Variants in SEMA6A observed in about 807,000 individuals in gnomAD.
The protein encoded by SEMA6A is semaphorin 6A, also known as semaphorin-6A.
In SEMA6A, 25 loss-of-function variants were observed where a neutral mutation model predicts 96.8. The observed-to-expected ratio is 0.26, with a 90% CI of 0.19 to 0.36. The LOEUF is 0.36. SEMA6A is among the 10% of genes least tolerant of loss of function. The pLI, the probability that SEMA6A is intolerant of heterozygous loss-of-function variation, is 1.00. For synonymous variants in SEMA6A, 612 were observed against 518.0 expected, an observed-to-expected ratio of 1.18 and a Z score of -2.46; for missense variants, 1,363 against 1,323.1, an observed-to-expected ratio of 1.03 and a Z score of -0.47.
chr5:116,454,087 T>C (rs1580444883), intron 18 of SEMA6A, among the ~76,000 whole-genome samples: 2 of 152,260 alleles, frequency 1.3e-5, no homozygotes, highest in African/African-American at 4.8e-5. Context: ...TGTGATATGA[T>C]GGATGTGTCT....
chr5:116,519,882 A>G lies in SEMA6A; in HGVS notation c.-38-14900T>C, dbSNP rs546048872. On this transcript the variant is annotated intron_variant, in intron 1 of 18. Coordinates refer to ENST00000343348, the MANE Select transcript of SEMA6A (RefSeq NM_020796.5). ...CAGCTCCTGCCTCATGACAATTGCTATCTACTTAGTCTTTCTACTTCCACT... is the reference window on the plus strand; with the variant it reads ...CAGCTCCTGCCTCATGACAATTGCTGTCTACTTAGTCTTTCTACTTCCACT... 3.9e-5 allele frequency among the ~76,000 whole-genome samples: 6 copies of G among 152,176 alleles called. No individual in the cohort carries two copies. The South Asian group carries it at 1.2e-3, about 32-fold the overall frequency.
At chr5:116,566,971 G>T (rs560240939) in intron 1 of SEMA6A, among the ~76,000 whole-genome samples, 3 of 152,100 alleles carry the variant, frequency 2.0e-5, no homozygotes, top group Admixed American at 2.0e-4. Context: ...CCTAAGACAG[G>T]TGTGGTCCTT....
chr5:116,514,358 C>G (rs776686351), intron 1 of SEMA6A, among the ~76,000 whole-genome samples: 20 of 151,994 alleles, frequency 1.3e-4, no homozygotes, highest in Non-Finnish European at 1.5e-5. Flanking sequence ...TTTTGATTTG[C>G]ATTTCTCTAA....
chr5:116,499,613 A>C (rs1757777235), intron 3 of SEMA6A, among the ~76,000 whole-genome samples: 1 of 152,202 alleles, frequency 6.6e-6, no homozygotes, highest in Non-Finnish European at 1.5e-5. Flanking sequence ...TCCTTTAAGA[A>C]TTTTTCTAAG....
At chr5:116,548,198 T>G (rs1760265402) in intron 1 of SEMA6A, among the ~76,000 whole-genome samples, 1 of 152,150 alleles carries the variant, frequency 6.6e-6, no homozygotes, top group Non-Finnish European at 1.5e-5. Context: ...TCTCTTGACT[T>G]GAGATTTGAT....
intron 1 of SEMA6A, among the ~76,000 whole-genome samples, chr5:116,566,208 A>T (rs1352078011): frequency 2.6e-5 from 4 of 152,314 alleles, no homozygotes; most frequent in Middle Eastern, 3.4e-3. Context: ...TGGTCTTTGA[A>T]GCGTAGAGGG....
At chr5:116,560,673 T>C (rs1401784374) in intron 1 of SEMA6A, among the ~76,000 whole-genome samples, 3 of 152,106 alleles carry the variant, frequency 2.0e-5, no homozygotes, top group African/African-American at 7.2e-5. Context: ...GGGTCAAAAC[T>C]GCCACCCTTA....
chr5:116,473,784 G>T (rs1203884511), intron 16 of SEMA6A, among the ~76,000 whole-genome samples: 1 of 152,164 alleles, frequency 6.6e-6, no homozygotes, highest in African/African-American at 2.4e-5. Context: ...CTGTCTAATA[G>T]AGGTAGTTCA....
rs115435569 is a variant in SEMA6A at position 116,453,029 on chromosome 5, G to C, written c.1895-5218C>G. On this transcript the variant is annotated intron_variant, in intron 18 of 18. Coordinates refer to ENST00000343348, the MANE Select transcript of SEMA6A (RefSeq NM_020796.5). ...AACAGTGGGCAAAAGCTTTACATTG[G>C]AAATGGCATTTGAGCTAAGCCTTAA... 4.7e-3 allele frequency among the ~76,000 whole-genome samples: 717 copies of C among 152,330 alleles called. 8 individuals are homozygous for C. Among genetic ancestry groups the C allele is most frequent in the African/African-American group, 0.016 (662 of 41,572 alleles).
At chr5:116,568,026 C>T (rs1761080332) in intron 1 of SEMA6A, among the ~76,000 whole-genome samples, 1 of 152,160 alleles carries the variant, frequency 6.6e-6, no homozygotes, top group South Asian at 2.1e-4. Flanking sequence ...TCTAGGTGAA[C>T]TGTACAATTT....
Position 116,447,458 on chromosome 5 carries a change from G to C in SEMA6A, c.2248C>G (p.Leu750Val). The C allele has an allele frequency of 6.2e-7, 1 of 1,614,088 alleles. No homozygotes were observed. The highest frequency in any genetic ancestry group is 8.5e-7 in the Non-Finnish European group (1 of 1,179,906). Residue 750 changes from leucine (L) to valine (V), a missense_variant, in exon 19 of 19, where the codon CTG (leucine) becomes GTG (valine). This residue lies in a region of SEMA6A where 883 missense variants were observed against 763.6 expected (regional missense o/e 1.16). Transcript: ENST00000343348. ...GGGGTGGGGAGGGCCGTCAGGTCCAGGTGGTGCTGGTCTGCTTTAATGAGC... is the reference window on the plus strand; with the variant it reads ...GGGGTGGGGAGGGCCGTCAGGTCCACGTGGTGCTGGTCTGCTTTAATGAGC... Reference protein sequence around the residue: ...KMLIKADQHHLDLTALPTPES... With the variant: ...KMLIKADQHHVDLTALPTPES...
intron 16 of SEMA6A, among the ~76,000 whole-genome samples, chr5:116,474,032 G>C (rs1192381924): frequency 6.6e-6 from 1 of 152,152 alleles, no homozygotes; most frequent in African/African-American, 2.4e-5. Flanking sequence ...CGTCCCCTAT[G>C]CTACATACAG....
chr5:116,526,342 C>T (rs1403469842), intron 1 of SEMA6A, among the ~76,000 whole-genome samples: 1 of 152,174 alleles, frequency 6.6e-6, no homozygotes, highest in Non-Finnish European at 1.5e-5. Flanking sequence ...GACAACTAAC[C>T]ACTAATGTCT....
At chr5:116,546,226 G>A (rs1055021741) in intron 1 of SEMA6A, among the ~76,000 whole-genome samples, 8 of 152,168 alleles carry the variant, frequency 5.3e-5, no homozygotes, top group Admixed American at 2.0e-4. Flanking sequence ...GCAAGTACTG[G>A]CTTCCTATGA....
At chr5:116,465,090 A>G (rs190187640) in intron 18 of SEMA6A, among the ~76,000 whole-genome samples, 2 of 152,326 alleles carry the variant, frequency 1.3e-5, no homozygotes, top group Admixed American at 1.3e-4. Context: ...CACCCGTCAC[A>G]GGCCCTTAGA....
chr5:116,446,478 G>T lies in SEMA6A; in HGVS notation c.*135C>A. On this transcript the variant is annotated 3_prime_UTR_variant, in exon 19 of 19. Transcript: ENST00000343348. The stretch of plus-strand genomic sequence containing the variant: ...GTGAGTACCCCTGTGTCCCAGAGAG[G>T]AGGACCCAGCGTCCTCGGCTCTGCC... 1.4e-6 allele frequency: 1 copy of T among 738,712 alleles called. No homozygotes were observed. The highest frequency in any genetic ancestry group is 2.9e-5 in the South Asian group (1 of 34,800). The allele number at this position is 738,712 out of a possible 1,614,324, so 45.8% of individuals were successfully genotyped here. A position where few individuals can be genotyped will look rare whatever the true frequency, so the allele number is the denominator to read the frequency against.
chr5:116,541,309 T>C (rs1249142321), intron 1 of SEMA6A, among the ~76,000 whole-genome samples: 3 of 152,144 alleles, frequency 2.0e-5, no homozygotes. Flanking sequence ...TCAGAAACCC[T>C]AGAGGTAAGA....
At chr5:116,522,781 C>T (rs1255819019) in intron 1 of SEMA6A, among the ~76,000 whole-genome samples, 2 of 152,138 alleles carry the variant, frequency 1.3e-5, no homozygotes, top group African/African-American at 4.8e-5. Context: ...CACCTGCCCC[C>T]TTGTTCTCTG....
intron 15 of SEMA6A, among the ~76,000 whole-genome samples, chr5:116,475,952 A>T (rs1756422950): frequency 6.6e-6 from 1 of 152,184 alleles, no homozygotes; most frequent in African/African-American, 2.4e-5. Context: ...ACAATATGGA[A>T]GTCTATAAAT....
Sources: gnomAD v4.1 joint callset for allele counts (sites outside exome capture counted in the v4.1 genomes callset) on GRCh38, gnomAD v4.1.1 for gene constraint, gnomAD v4.1.1 regional missense constraint, MANE v1.5 for transcripts, NCBI Gene and HGNC (gene_info 2026-07-23, HGNC 2026-07-21) for gene names.